The following SCHIP1 variants were observed in gnomAD, a reference collection of about 807,000 sequenced individuals.
SCHIP1 encodes schwannomin interacting protein 1.
Under a neutral mutation model 29.7 loss-of-function variants are expected in SCHIP1, and 8 were observed. That is an observed-to-expected ratio of 0.27 (90% CI 0.16 to 0.49). The LOEUF is 0.49. Among genes scored for constraint, SCHIP1 ranks in the 20% least tolerant of loss-of-function variants. The pLI, the probability that SCHIP1 is intolerant of heterozygous loss-of-function variation, is 0.99. For synonymous variants in SCHIP1, 76 were observed against 94.9 expected, an observed-to-expected ratio of 0.80 and a Z score of 1.16; for missense variants, 193 against 294.6, an observed-to-expected ratio of 0.66 and a Z score of 2.52.
chr3:159,293,060 G>A, the SCHIP1 span, among the ~76,000 whole-genome samples: 9 of 152,134 alleles, frequency 5.9e-5, no homozygotes, highest in African/African-American at 2.2e-4. Context: ...ATCACTTTGT[G>A]TAGATTAAAA....
chr3:159,394,208 T>TAAGC, the SCHIP1 span, among the ~76,000 whole-genome samples: 2 of 150,422 alleles, frequency 1.3e-5, no homozygotes, highest in African/African-American at 4.9e-5. Context: ...CTTAAGGAGA[T>TAAGC]TTTGGGCTGA....
chr3:159,327,745 ACT>A, the SCHIP1 span, among the ~76,000 whole-genome samples: 5 of 152,098 alleles, frequency 3.3e-5, no homozygotes, highest in Non-Finnish European at 7.4e-5. Context: ...GTGGAATGAG[ACT>A]CTGGTGGAAA....
the SCHIP1 span, among the ~76,000 whole-genome samples, chr3:159,334,141 A>G: frequency 6.6e-6 from 1 of 152,214 alleles, no homozygotes; most frequent in Non-Finnish European, 1.5e-5. Context: ...ATGTCATTAA[A>G]GAATCATCTT....
the SCHIP1 span, among the ~76,000 whole-genome samples, chr3:159,436,197 T>G: frequency 1.8e-4 from 27 of 152,178 alleles, no homozygotes; most frequent in African/African-American, 6.5e-4. Flanking sequence ...CCATGCACAC[T>G]CTTGCACTCA....
At chr3:159,856,309 G>T (rs1003301930) in intron 1 of SCHIP1, among the ~76,000 whole-genome samples, 8 of 152,202 alleles carry the variant, frequency 5.3e-5, no homozygotes, top group African/African-American at 1.9e-4. Context: ...GTCCCAATGG[G>T]GGAGGCACAT....
chr3:159,523,783 C>A, the SCHIP1 span, among the ~76,000 whole-genome samples: 26 of 152,370 alleles, frequency 1.7e-4, no homozygotes, highest in Non-Finnish European at 2.9e-4. Flanking sequence ...GATCTCTGCC[C>A]TCTAGTTGCT....
At chr3:159,875,071 G>T in intron 2 of SCHIP1, among the ~76,000 whole-genome samples, 1 of 148,108 alleles carries the variant, frequency 6.8e-6, no homozygotes, top group East Asian at 2.0e-4. Flanking sequence ...TCTAAGGATT[G>T]CTTCCAGTAT....
the SCHIP1 span, among the ~76,000 whole-genome samples, chr3:159,478,548 C>A: frequency 1.3e-5 from 2 of 152,172 alleles, no homozygotes; most frequent in Admixed American, 6.5e-5. Context: ...TGCTCAAGAT[C>A]ATTTTGGCCA....
the SCHIP1 span, among the ~76,000 whole-genome samples, chr3:159,333,547 A>G: frequency 2.0e-5 from 3 of 152,020 alleles, no homozygotes; most frequent in Non-Finnish European, 4.4e-5. Flanking sequence ...GACTCTTCCT[A>G]TGAGGCTGAA....
At chr3:159,401,162 C>T in the SCHIP1 span, 2 of 978,240 alleles carry the variant, frequency 2.0e-6, no homozygotes, top group Non-Finnish European at 2.4e-6. Context: ...TATTCATTCT[C>T]CTATCTCCAT....
chr3:159,335,595 T>C, the SCHIP1 span, among the ~76,000 whole-genome samples: 1 of 152,158 alleles, frequency 6.6e-6, no homozygotes, highest in African/African-American at 2.4e-5. Flanking sequence ...CATGTGGTGA[T>C]TGGTTTTTTA....
chr3:159,838,707 G>A (rs111565431), upstream of SCHIP1, among the ~76,000 whole-genome samples: 25,428 of 151,812 alleles, frequency 0.17, 2,360 homozygotes, highest in African/African-American at 0.25. Context: ...TGGCTAACAC[G>A]GTGAAACCCC....
chr3:159,378,440 G>A, the SCHIP1 span, among the ~76,000 whole-genome samples: 1 of 152,172 alleles, frequency 6.6e-6, no homozygotes, highest in African/African-American at 2.4e-5. Flanking sequence ...GGTTGTTTTT[G>A]TTGATGTTGT....
At chr3:159,522,531 T>A in the SCHIP1 span, among the ~76,000 whole-genome samples, 1 of 152,114 alleles carries the variant, frequency 6.6e-6, no homozygotes, top group Non-Finnish European at 1.5e-5. Context: ...AGCAATAGAT[T>A]AGATGAATAA....
the SCHIP1 span, among the ~76,000 whole-genome samples, chr3:159,481,117 G>C: frequency 6.6e-6 from 1 of 152,104 alleles, no homozygotes; most frequent in African/African-American, 2.4e-5. Flanking sequence ...AGTTACTTCA[G>C]GCCATCTGGA....
the SCHIP1 span, among the ~76,000 whole-genome samples, chr3:159,298,335 G>A: frequency 6.6e-6 from 1 of 152,122 alleles, no homozygotes; most frequent in Admixed American, 6.5e-5. Flanking sequence ...TGCCATAGGT[G>A]ACTTTTATCA....
the SCHIP1 span, among the ~76,000 whole-genome samples, chr3:159,603,563 A>G: frequency 6.6e-6 from 1 of 152,148 alleles, no homozygotes; most frequent in South Asian, 2.1e-4. Flanking sequence ...TGAATGTTTT[A>G]AGGATTTTAG....
the SCHIP1 span, among the ~76,000 whole-genome samples, chr3:159,644,389 G>A: frequency 2.0e-5 from 3 of 152,078 alleles, no homozygotes; most frequent in East Asian, 1.9e-4. Flanking sequence ...GTAAATATCT[G>A]GGTACGTATG....
chr3:159,294,623 C>G, the SCHIP1 span, among the ~76,000 whole-genome samples: 1 of 152,112 alleles, frequency 6.6e-6, no homozygotes, highest in Non-Finnish European at 1.5e-5. Flanking sequence ...CAAATTCTAC[C>G]AAGTGTATTT....
Sources: gnomAD v4.1 joint callset for allele counts (sites outside exome capture counted in the v4.1 genomes callset) on GRCh38, gnomAD v4.1.1 for gene constraint, MANE v1.5 for transcripts, NCBI Gene and HGNC (gene_info 2026-07-23, HGNC 2026-07-21) for gene names.